Variants in ZP1 observed in about 807,000 individuals in gnomAD.
ZP1 encodes the protein zona pellucida sperm-binding protein 1.
A neutral mutation model predicts 67.4 loss-of-function variants in ZP1; 58 were observed. The ratio of observed to expected loss-of-function variants is 0.86; its 90% CI spans 0.70 to 1.07. ZP1 has a LOEUF of 1.07. Among genes scored for constraint, ZP1 ranks in the 50% least tolerant of loss-of-function variants. ZP1 has a pLI of 0.00. For missense variants in ZP1, 759 were observed against 807.3 expected, an observed-to-expected ratio of 0.94 and a Z score of 0.72; for synonymous variants, 333 against 332.7, an observed-to-expected ratio of 1.00 and a Z score of -0.01.
In ZP1 at chr11:60,869,718, C is replaced by CCTCTGGCCATACCTCCCAAGG. The variant is rs777368761; in HGVS notation, c.511_531dup (p.Thr171_His177dup). On this transcript the variant is annotated inframe_insertion, in exon 3 of 12. Coordinates refer to ENST00000278853, the MANE Select transcript of ZP1 (RefSeq NM_207341.4). ...CCACAAACCCTTTCCTTCCTCCCCA[C>CCTCTGGCCATACCTCCCAAGG]CTCTGGCCATACCTCCCAAGGCTCT... The CCTCTGGCCATACCTCCCAAGG allele has an allele frequency of 6.2e-7, 1 of 1,613,992 alleles. No individual in the cohort carries two copies.
At chr11:60,870,898 T>A (rs1855553906) in intron 4 of ZP1, 59 bp from the exon 5 acceptor site, 2 of 1,541,478 alleles carry the variant, frequency 1.3e-6, no homozygotes, top group African/African-American at 2.7e-5. Flanking sequence ...CACCCAGCCA[T>A]CCCGTCTCTG....
At chr11:60,868,035 TTTTC>T (rs1310084605) in intron 1 of ZP1, among the ~76,000 whole-genome samples, 497 of 49,598 alleles carry the variant, frequency 0.01, 3 homozygotes, top group African/African-American at 0.03. Context: ...TCTGCATTTC[TTTTC>T]TTTTTTTTTT....
In ZP1 at chr11:60,873,663, C is replaced by A; in HGVS notation, c.1460C>A (p.Thr487Asn). ...GCPFKGDSYR[T>N]QMVALDGATP... ...CCTTTCAAGGGCGACAGCTACAGAA[C>A]CCAAATGGTAGCCTTGGACGGGGCC... The change falls in exon 9 of 12, where the codon ACC (threonine) becomes AAC (asparagine). Residue 487 changes from threonine (T) to asparagine (N), a missense_variant. Transcript: ENST00000278853. 2 of 1,614,218 alleles carry A rather than the reference C, an allele frequency of 1.2e-6. No individual in the cohort carries two copies. The highest frequency in any genetic ancestry group is 1.7e-6 in the Non-Finnish European group (2 of 1,180,044).
chr11:60,867,799 G>A (rs540053744), intron 1 of ZP1, 42 bp downstream of exon 1: 18 of 1,589,486 alleles, frequency 1.1e-5, no homozygotes, highest in Middle Eastern at 1.7e-4. Flanking sequence ...CCCTGGCCAC[G>A]GGCTGCTGCC....
intron 9 of ZP1, among the ~76,000 whole-genome samples, chr11:60,874,700 G>A (rs1855667251): frequency 6.6e-6 from 1 of 152,264 alleles, no homozygotes; most frequent in South Asian, 2.1e-4. Flanking sequence ...TGCAGACTTG[G>A]ACCTTGGGGA....
At position 60,873,153 on chromosome 11, in the gene ZP1, GGACTTCA is replaced by G. The variant is rs758473791; in HGVS notation, c.1113-7_1113-1del. On this transcript the variant is annotated splice_acceptor_variant and splice_polypyrimidine_tract_variant and intron_variant, in intron 6 of 11. Transcript: ENST00000278853. LOFTEE classifies it high-confidence loss of function. The stretch of plus-strand genomic sequence containing the variant: ...TCTTCTCCCCCACCCTCTTGCACGT[GGACTTCA>G]GGCTTCATGTGCGCTGTGTCTTCAA... 6.5e-7 allele frequency: 1 copy of G among 1,547,492 alleles called. No homozygotes were observed. Among genetic ancestry groups the G allele is most frequent in the Non-Finnish European group, 8.7e-7 (1 of 1,146,642 alleles).
rs1244465899 is a variant in ZP1 at position 60,871,125 on chromosome 11, A to G, written c.995A>G (p.His332Arg). Residue 332 changes from histidine (H) to arginine (R), a missense_variant, in exon 5 of 12, where the codon CAC (histidine) becomes CGC (arginine). Coordinates refer to ENST00000278853, the MANE Select transcript of ZP1 (RefSeq NM_207341.4). ...GTGGTCTTCTACTTCCCTCTCACCC[A>G]CTGTGGAACCACAATGCAGGTAGGA... The part of the protein sequence containing the change: ...AFVVFYFPLT[H>R]CGTTMQVAGD... The G allele has an allele frequency of 1.2e-6, 2 of 1,613,734 alleles. No homozygotes were observed. Among genetic ancestry groups the G allele is most frequent in the African/African-American group, 2.7e-5 (2 of 74,870 alleles).
Position 60,871,242 on chromosome 11 carries a change from A to C in ZP1, c.1040A>C (p.Glu347Ala). ...MQVAGDQLIYENWLVSGIHIQ... is the reference protein window; with the variant it reads ...MQVAGDQLIYANWLVSGIHIQ... ...GTGGCTGGCGACCAGCTCATCTATG[A>C]GAACTGGCTGGTGTCTGGCATCCAC... The change falls in exon 6 of 12, where the codon GAG becomes GCG. Residue 347 changes from glutamate to alanine, a missense_variant. Coordinates refer to ENST00000278853, the MANE Select transcript of ZP1 (RefSeq NM_207341.4). The C allele has an allele frequency of 6.2e-7, 1 of 1,614,044 alleles. No individual in the cohort carries two copies. The highest frequency in any genetic ancestry group is 8.5e-7 in the Non-Finnish European group (1 of 1,180,042).
At position 60,873,617 on chromosome 11, in the gene ZP1, C is replaced by T. The variant is rs777385333; in HGVS notation, c.1431-17C>T. The T allele has an allele frequency of 5.0e-6, 8 of 1,614,032 alleles. No homozygotes were observed. The East Asian group carries it at 1.8e-4, about 36-fold the overall frequency. On this transcript the variant is annotated splice_polypyrimidine_tract_variant and intron_variant, in intron 8 of 11. Transcript: ENST00000278853. ...GCTCTGCCTCCTGTAAACAGCCTCT[C>T]TGACTTCTCTTCTCAGATGCCCTTT... is the stretch of plus-strand genomic sequence containing the variant.
chr11:60,868,852 C>T (rs1855514295), intron 1 of ZP1, among the ~76,000 whole-genome samples: 1 of 152,248 alleles, frequency 6.6e-6, no homozygotes, highest in Non-Finnish European at 1.5e-5. Flanking sequence ...AGGCCAGTGC[C>T]TGAGACCCTG....
In ZP1 at chr11:60,873,397, T is replaced by C. The variant is rs931979375; in HGVS notation, c.1263T>C (p.Tyr421=). ...CAGACGAGACCTTCAGCTCGTACTA[T>C]GGGGAGGATGACTATCCCATCGTGA... ...IAKDETFSSY[Y]GEDDYPIVRL... is the part of the protein sequence containing the mutation. The change falls in exon 8 of 12, where the codon TAT becomes TAC. Residue 421 remains tyrosine (Y), a synonymous_variant. Coordinates refer to ENST00000278853, the MANE Select transcript of ZP1 (RefSeq NM_207341.4). The C allele has an allele frequency of 4.3e-6, 7 of 1,609,496 alleles. No homozygotes were observed. The South Asian group carries it at 6.6e-5, about 15-fold the overall frequency.
intron 4 of ZP1, 38 bp downstream of exon 4, chr11:60,870,513 G>T: frequency 6.4e-7 from 1 of 1,558,658 alleles, no homozygotes; most frequent in Admixed American, 1.9e-5. Flanking sequence ...TGGTCCCTTG[G>T]ATTCTGAAGC....
In ZP1 at chr11:60,869,256, T is replaced by A. The variant is rs1203064062; in HGVS notation, c.308T>A (p.Val103Glu). The change falls in exon 2 of 12, where the codon GTG becomes GAG. Residue 103 changes from valine (V) to glutamate (E), a missense_variant. Physicochemically the swap from Val to Glu is moderately radical, Grantham distance 121. Transcript: ENST00000278853. ...VFSADYRGCH[V>E]LEKDGRFHLR... Reference sequence around the variant, plus strand: ...TCGGCCGATTACAGAGGCTGCCACGTGCTGGAGAAGGTAGGGGTTGTTCAT... The same window carrying A: ...TCGGCCGATTACAGAGGCTGCCACGAGCTGGAGAAGGTAGGGGTTGTTCAT... 3.1e-6 allele frequency: 5 copies of A among 1,614,054 alleles called. No homozygotes were observed. The highest frequency in any genetic ancestry group is 1.7e-5 in the Admixed American group (1 of 59,998).
chr11:60,871,310 T>C lies in ZP1; in HGVS notation c.1108T>C (p.Phe370Leu), dbSNP rs1217462198. Reference sequence around the variant, plus strand: ...GGGTTCCATCACGCGGGACAGCACCTTCCAGTAAGGGCAGCCCTCCTCCTA... The same window carrying C: ...GGGTTCCATCACGCGGGACAGCACCCTCCAGTAAGGGCAGCCCTCCTCCTA... ...PQGSITRDST[F>L]QLHVRCVFNA... The change falls in exon 6 of 12, where the codon TTC becomes CTC. Residue 370 changes from phenylalanine (F) to leucine (L), a missense_variant. Transcript: ENST00000278853. The C allele has an allele frequency of 6.2e-7, 1 of 1,613,652 alleles. No homozygotes were observed. Among genetic ancestry groups the C allele is most frequent in the Non-Finnish European group, 8.5e-7 (1 of 1,180,010 alleles).
Position 60,871,115 on chromosome 11 carries a change from C to T in ZP1, c.985C>T (p.Pro329Ser), listed in dbSNP as rs1260981487. ...HTEAFVVFYF[P>S]LTHCGTTMQV... ...GGAAGCTTTCGTGGTCTTCTACTTC[C>T]CTCTCACCCACTGTGGAACCACAAT... The change falls in exon 5 of 12, where the codon CCT becomes TCT. Residue 329 changes from proline (P) to serine (S), a missense_variant. By Grantham distance (74) the Pro-to-Ser change is moderately conservative. Transcript: ENST00000278853. 4 of 1,614,026 alleles carry T rather than the reference C, an allele frequency of 2.5e-6. No individual in the cohort carries two copies. In the African/African-American group the frequency reaches 5.3e-5, roughly 22 times the overall value.
chr11:60,870,945 C>T lies in ZP1; in HGVS notation c.827-12C>T, dbSNP rs774929342. The T allele has an allele frequency of 1.2e-6, 2 of 1,609,586 alleles. No homozygotes were observed. Among genetic ancestry groups the T allele is most frequent in the South Asian group, 2.2e-5 (2 of 90,216 alleles). Reference sequence around the variant, plus strand: ...CACCAAACCCCAAGGCCCTCATCTGCCTTTGTCCCAGCTACTGTCCAGTGC... The same window carrying T: ...CACCAAACCCCAAGGCCCTCATCTGTCTTTGTCCCAGCTACTGTCCAGTGC... On this transcript the variant is annotated splice_polypyrimidine_tract_variant and intron_variant, in intron 4 of 11. Transcript: ENST00000278853.
In ZP1 at chr11:60,867,623, C is replaced by T; in HGVS notation, c.62C>T (p.Thr21Ile). The stretch of plus-strand genomic sequence containing the variant: ...GTGGCCCTGCTACTGCTGGTTGCCA[C>T]CCTGGGGCTGGGTAGGTGGCTCCAG... Reference protein sequence around the residue: ...YPVALLLLVATLGLGRWLQPD... With the variant: ...YPVALLLLVAILGLGRWLQPD... Residue 21 changes from threonine to isoleucine, a missense_variant, in exon 1 of 12, where the codon ACC (threonine) becomes ATC (isoleucine). Transcript: ENST00000278853. 2 of 1,613,746 alleles carry T rather than the reference C, an allele frequency of 1.2e-6. No individual in the cohort carries two copies. The highest frequency in any genetic ancestry group is 1.3e-5 in the African/African-American group (1 of 75,066).
chr11:60,874,496 C>T (rs1855659697), intron 9 of ZP1, among the ~76,000 whole-genome samples: 2 of 152,324 alleles, frequency 1.3e-5, no homozygotes, highest in African/African-American at 2.4e-5. Flanking sequence ...AAAGGGAGGG[C>T]AAACATCTAT....
rs1001775590 is a variant in ZP1 at position 60,869,211 on chromosome 11, C to G, written c.263C>G (p.Pro88Arg). The change falls in exon 2 of 12, where the codon CCG becomes CGG. Residue 88 changes from proline to arginine, a missense_variant. Physicochemically the swap from Pro to Arg is moderately radical, Grantham distance 103. Transcript: ENST00000278853. The part of the protein sequence containing the change: ...SICYHWVTSR[P>R]QEPAVFSADY... ...TGCTACCACTGGGTCACCTCCAGGC[C>G]GCAGGAGCCTGCAGTCTTCTCGGCC... 1 of 1,614,150 alleles carries G rather than the reference C, an allele frequency of 6.2e-7. No homozygotes were observed. The highest frequency in any genetic ancestry group is 1.1e-5 in the South Asian group (1 of 91,078).
Sources: gnomAD v4.1 joint callset for allele counts (sites outside exome capture counted in the v4.1 genomes callset) on GRCh38, gnomAD v4.1.1 for gene constraint, MANE v1.5 for transcripts, NCBI Gene and HGNC (gene_info 2026-07-23, HGNC 2026-07-21) for gene names.